Variants in CAMK4 observed in about 807,000 individuals in gnomAD.
CAMK4 encodes calcium/calmodulin dependent protein kinase IV.
CAMK4 carries 22 observed loss-of-function variants against 44.9 expected under a neutral mutation model. The observed-to-expected ratio is 0.49, with a 90% CI of 0.35 to 0.70. The LOEUF (loss-of-function observed/expected upper bound fraction) is 0.70, where lower values mean the gene tolerates loss of function less well. CAMK4 is among the 30% of genes least tolerant of loss of function. The pLI is 0.01. For missense variants in CAMK4, 498 were observed against 586.8 expected, an observed-to-expected ratio of 0.85 and a Z score of 1.56; for synonymous variants, 218 against 215.4, an observed-to-expected ratio of 1.01 and a Z score of -0.11.
intron 2 of CAMK4, among the ~76,000 whole-genome samples, chr5:111,346,846 A>G (rs1650798): frequency 1.7e-5 from 2 of 116,838 alleles, no homozygotes; most frequent in Non-Finnish European, 3.6e-5. Flanking sequence ...AACAAACAAA[A>G]ACACTAACAC....
intron 1 of CAMK4, among the ~76,000 whole-genome samples, chr5:111,275,683 TTAGA>T (rs1750731123): frequency 2.6e-5 from 4 of 152,162 alleles, no homozygotes; most frequent in Admixed American, 2.6e-4. Context: ...AAAAATATGG[TTAGA>T]TAGAAGGAAA....
chr5:111,449,624 CT>C (rs1447124635), intron 7 of CAMK4: 3 of 152,932 alleles, frequency 2.0e-5, no homozygotes, highest in African/African-American at 7.2e-5. Context: ...GTCCCTAGTT[CT>C]TTCCATGGCC....
intron 1 of CAMK4, among the ~76,000 whole-genome samples, chr5:111,308,195 A>G (rs1748015663): frequency 6.9e-6 from 1 of 144,436 alleles, no homozygotes; most frequent in South Asian, 2.2e-4. Context: ...GCACATGTAT[A>G]CATATGTAAC....
intron 2 of CAMK4, among the ~76,000 whole-genome samples, chr5:111,346,850 C>A (rs80237088): frequency 6.6e-6 from 1 of 151,774 alleles, no homozygotes; most frequent in Non-Finnish European, 1.5e-5. Context: ...AACAAAAACA[C>A]TAACACCAGG....
At chr5:111,401,614 C>G (rs1165118020) in intron 5 of CAMK4, among the ~76,000 whole-genome samples, 1 of 151,982 alleles carries the variant, frequency 6.6e-6, no homozygotes, top group Non-Finnish European at 1.5e-5. Flanking sequence ...AAAAATTAAC[C>G]TGTAACTCAC....
At chr5:111,226,837 G>A (rs535095193) in intron 1 of CAMK4, among the ~76,000 whole-genome samples, 3 of 152,184 alleles carry the variant, frequency 2.0e-5, no homozygotes, top group East Asian at 1.9e-4. Context: ...TTTGAAGTAC[G>A]ATTTCTACTG....
chr5:111,320,949 A>G (rs1171193391), intron 1 of CAMK4, among the ~76,000 whole-genome samples: 10 of 152,246 alleles, frequency 6.6e-5, no homozygotes, highest in African/African-American at 2.4e-4. Flanking sequence ...TGATCATAGC[A>G]TAATGACATT....
chr5:111,330,006 GA>G (rs1409183911), intron 1 of CAMK4, among the ~76,000 whole-genome samples: 1 of 151,184 alleles, frequency 6.6e-6, no homozygotes, highest in East Asian at 2.0e-4. Context: ...AATTGGAAGA[GA>G]AAAAGGTAAA....
intron 5 of CAMK4, among the ~76,000 whole-genome samples, chr5:111,422,629 G>A (rs1753073608): frequency 6.6e-6 from 1 of 152,088 alleles, no homozygotes. Context: ...GGAACATTTG[G>A]ACTATTTTTG....
Position 111,435,433 on chromosome 5 carries a change from T to C in CAMK4, c.460-11253T>C, listed in dbSNP as rs148552637. 3.7e-3 allele frequency among the ~76,000 whole-genome samples: 556 copies of C among 152,304 alleles called. 8 individuals carry two copies. The highest frequency in any genetic ancestry group is 0.013 in the African/African-American group (523 of 41,564). On this transcript the variant is annotated intron_variant, in intron 5 of 10. Coordinates refer to ENST00000282356, the MANE Select transcript of CAMK4 (RefSeq NM_001744.6). ...TCTAAAGCACAGCCATCTTTCATAATGATATTTTCAGCTTCCTCATCCTAG... is the reference window on the plus strand; with the variant it reads ...TCTAAAGCACAGCCATCTTTCATAACGATATTTTCAGCTTCCTCATCCTAG...
chr5:111,344,304 G>A (rs1383802598), intron 2 of CAMK4, among the ~76,000 whole-genome samples: 1 of 151,668 alleles, frequency 6.6e-6, no homozygotes, highest in Non-Finnish European at 1.5e-5. Context: ...ATCTCAGATT[G>A]GATGTGGTTC....
intron 2 of CAMK4, among the ~76,000 whole-genome samples, chr5:111,367,401 T>G (rs1270494146): frequency 6.6e-6 from 1 of 151,988 alleles, no homozygotes; most frequent in East Asian, 1.9e-4. Flanking sequence ...TTAATACTGA[T>G]ACAATGGCAA....
intron 1 of CAMK4, among the ~76,000 whole-genome samples, chr5:111,314,187 G>T (rs1460111427): frequency 6.6e-6 from 1 of 152,028 alleles, no homozygotes; most frequent in Admixed American, 6.6e-5. Context: ...TTAAGTATAG[G>T]ATTTTGTTAG....
At chr5:111,361,968 T>C (rs399654) in intron 2 of CAMK4, among the ~76,000 whole-genome samples, 139,324 of 152,056 alleles carry the variant, frequency 0.92, 63,936 homozygotes, top group East Asian at 1. Flanking sequence ...TATTTCTAAA[T>C]TTAGTATGCT....
At chr5:111,239,663 G>T (rs992911673) in intron 1 of CAMK4, among the ~76,000 whole-genome samples, 2 of 152,134 alleles carry the variant, frequency 1.3e-5, no homozygotes, top group East Asian at 3.8e-4. Flanking sequence ...CCACCCATAA[G>T]AAGAGATAAT....
rs753416937 is a variant in CAMK4, at chr5:111,376,924, G to A, written c.368G>A (p.Gly123Glu). The change falls in exon 4 of 11, where the codon GGA becomes GAA. Residue 123 changes from glycine to glutamate, a missense_variant. By Grantham distance (98) the Gly-to-Glu change is moderately conservative. Coordinates refer to ENST00000282356, the MANE Select transcript of CAMK4 (RefSeq NM_001744.6). Reference sequence around the variant, plus strand: ...AGTCTGGTCCTAGAACTCGTCACAGGAGGAGAACTGTTTGATAGGTGAGTT... The same window carrying A: ...AGTCTGGTCCTAGAACTCGTCACAGAAGGAGAACTGTTTGATAGGTGAGTT... ...EISLVLELVTGGELFDRIVEK... is the reference protein window; with the variant it reads ...EISLVLELVTEGELFDRIVEK... The A allele has an allele frequency of 6.2e-7, 1 of 1,603,594 alleles. No homozygotes were observed. The highest frequency in any genetic ancestry group is 1.1e-5 in the South Asian group (1 of 89,970).
At chr5:111,400,827 G>A (rs1752196311) in intron 5 of CAMK4, among the ~76,000 whole-genome samples, 1 of 152,104 alleles carries the variant, frequency 6.6e-6, no homozygotes, top group Non-Finnish European at 1.5e-5. Flanking sequence ...TTCTGGAAGG[G>A]TCATCCTGTA....
chr5:111,451,631 CAGTGGCTCATGCCTATAATCTCAGCA>C (rs1244085961), intron 7 of CAMK4, among the ~76,000 whole-genome samples: 2 of 151,970 alleles, frequency 1.3e-5, no homozygotes, highest in African/African-American at 4.8e-5. Context: ...TGGCCAGGTG[CAGTGGCTCATGCCTATAATCTCAGCA>C]CTTCGGGAGG....
At position 111,296,558 on chromosome 5, in the gene CAMK4, T is replaced by C. The variant is rs527598084; in HGVS notation, c.162-47466T>C. Among the ~76,000 whole-genome samples the C allele has an allele frequency of 5.3e-5, 8 of 152,336 alleles. No individual in the cohort carries two copies. The East Asian group carries it at 1.5e-3, about 29-fold the overall frequency. ...TGCATTCTATGATTGTTTTATCAAA[T>C]AAGTATGTTCTACCAAAAATAATTT... On this transcript the variant is annotated intron_variant, in intron 1 of 10. Coordinates refer to ENST00000282356, the MANE Select transcript of CAMK4 (RefSeq NM_001744.6).
Sources: allele counts gnomAD v4.1 joint callset (sites outside exome capture counted in the v4.1 genomes callset), GRCh38; gene constraint gnomAD v4.1.1; transcripts MANE v1.5; gene names NCBI Gene and HGNC (gene_info 2026-07-23, HGNC 2026-07-21).